Variants in CP observed in about 807,000 individuals in gnomAD.
The protein encoded by CP is caeruloplasmin.
In CP, 64 loss-of-function variants were observed where a neutral mutation model predicts 122.4. That is an observed-to-expected ratio of 0.52 (90% confidence interval 0.43 to 0.64). The LOEUF (loss-of-function observed/expected upper bound fraction) is 0.64. Among genes scored for constraint, CP ranks in the 30% least tolerant of loss-of-function variants. The pLI is 0.00. For missense variants in CP, 1,167 were observed against 1,284.4 expected (o/e 0.91, Z 1.40); for synonymous variants, 440 against 436.4 (o/e 1.01, Z -0.10).
intron 14 of CP, among the ~76,000 whole-genome samples, chr3:149,181,731 T>G (rs1354378252): frequency 4.6e-5 from 7 of 152,174 alleles, no homozygotes; most frequent in Non-Finnish European, 4.4e-5. Context: ...GTGTTCTAGC[T>G]GAGCGAGGAG....
chr3:149,172,317 A>AACAC (rs1559931139), downstream of CP: 115 of 640,806 alleles, frequency 1.8e-4, no homozygotes, highest in South Asian at 1.5e-3. Flanking sequence ...TATTTTATAT[A>AACAC]TCACACACAC....
intron 9 of CP, among the ~76,000 whole-genome samples, chr3:149,197,673 G>A (rs1267264609): frequency 1.3e-5 from 2 of 152,182 alleles, no homozygotes; most frequent in Admixed American, 6.5e-5. Flanking sequence ...CTTGGGAAAG[G>A]GGGGTGGTTT....
At chr3:149,199,622 C>T in intron 8 of CP, 90 bp downstream of exon 8, 2 of 1,502,030 alleles carry the variant, frequency 1.3e-6, no homozygotes, top group Non-Finnish European at 9.3e-7. Flanking sequence ...CTTGGGAGTT[C>T]CTGCCTTCAG....
intron 1 of CP, 55 bp downstream of exon 1, chr3:149,221,592 T>A (rs567824006): frequency 6.5e-7 from 1 of 1,534,484 alleles, no homozygotes; most frequent in African/African-American, 1.4e-5. Context: ...ATTGGCTCTA[T>A]CCTTTAAAAA....
In CP at chr3:149,202,090, G is replaced by A; in HGVS notation, c.1348+12C>T. ...AGAGTAAACCAGCCATATATATTCT[G>A]CAAGAACTCACCCAGGATGCCAAGA... is the stretch of plus-strand genomic sequence containing the variant. On this transcript the variant is annotated intron_variant, in intron 7 of 18. Coordinates refer to ENST00000264613, the MANE Select transcript of CP (RefSeq NM_000096.4). 6.2e-7 allele frequency: 1 copy of A among 1,613,930 alleles called. No individual in the cohort carries two copies. Among genetic ancestry groups the A allele is most frequent in the Non-Finnish European group, 8.5e-7 (1 of 1,179,872 alleles).
At chr3:149,180,482 C>A (rs1240057245) in intron 14 of CP, among the ~76,000 whole-genome samples, 6 of 152,182 alleles carry the variant, frequency 3.9e-5, no homozygotes, top group African/African-American at 1.4e-4. Context: ...TGGCCATGCC[C>A]ACTCACCAAT....
chr3:149,209,477 G>C (rs1727964326), intron 3 of CP, 93 bp from the exon 4 acceptor site: 1 of 1,317,516 alleles, frequency 7.6e-7, no homozygotes, highest in African/African-American at 1.5e-5. Flanking sequence ...AAAAATGTTA[G>C]TATTTATTTT....
chr3:149,184,474 C>T (rs1391923284), intron 12 of CP, among the ~76,000 whole-genome samples: 2 of 152,162 alleles, frequency 1.3e-5, no homozygotes, highest in Non-Finnish European at 2.9e-5. Flanking sequence ...CCACAGGTCA[C>T]CAGTTGTGCT....
At chr3:149,181,979 A>AT in intron 14 of CP, 26 bp downstream of exon 14, 2 of 515,796 alleles carry the variant, frequency 3.9e-6, no homozygotes, top group South Asian at 3.0e-5. Context: ...AAAATGCACC[A>AT]CCCCCACCCC....
Position 149,178,606 on chromosome 3 carries a change from G to A in CP, c.2687C>T (p.Pro896Leu), listed in dbSNP as rs1415343557. ...GTAAGGTCTTCGACAAACAATCAGG[G>A]GGCCAATTAATCCACTGTAGAGGTC... ...VKDLYSGLIG[P>L]LIVCRRPYLK... is the part of the protein sequence containing the mutation. Residue 896 changes from proline to leucine, a missense_variant, in exon 16 of 19, where the codon CCC becomes CTC. This residue lies in a region of CP where 525 missense variants were observed against 657.2 expected (regional missense o/e 0.80). Coordinates refer to ENST00000264613, the MANE Select transcript of CP (RefSeq NM_000096.4). 9 of 1,612,420 alleles carry A rather than the reference G, an allele frequency of 5.6e-6. No homozygotes were observed. In the Admixed American group the frequency reaches 6.7e-5, roughly 12 times the overall value.
chr3:149,167,836 T>G (rs376785970), downstream of CP: 1 of 1,021,380 alleles, frequency 9.8e-7, no homozygotes, highest in East Asian at 2.4e-5. Context: ...TATTCTCCTT[T>G]GAAATCTGAG....
chr3:149,207,281 C>A, intron 5 of CP, 82 bp downstream of exon 5: 1 of 1,555,126 alleles, frequency 6.4e-7, no homozygotes, highest in South Asian at 1.1e-5. Flanking sequence ...CAGATTATTT[C>A]AAAGATATTT....
At chr3:149,193,015 C>T (rs1237909413) in intron 9 of CP, among the ~76,000 whole-genome samples, 3 of 151,920 alleles carry the variant, frequency 2.0e-5, no homozygotes, top group African/African-American at 7.3e-5. Context: ...CGCATACACT[C>T]CAGAAAAGAA....
At position 149,209,388 on chromosome 3, in the gene CP, G is replaced by A; in HGVS notation, c.608-4C>T. 6.2e-7 allele frequency: 1 copy of A among 1,612,260 alleles called. No individual in the cohort carries two copies. The highest frequency in any genetic ancestry group is 1.1e-5 in the South Asian group (1 of 90,922). On this transcript the variant is annotated splice_region_variant and splice_polypyrimidine_tract_variant and intron_variant, in intron 3 of 18. Transcript: ENST00000264613. ...TCTTTTTCTTTATCTAGAGAATCTG[G>A]AGTTAAAGTTACTATTTTAGCAAGA...
At chr3:149,220,198 AT>A (rs999517976) in intron 1 of CP, among the ~76,000 whole-genome samples, 5 of 151,698 alleles carry the variant, frequency 3.3e-5, no homozygotes, top group Non-Finnish European at 7.4e-5. Flanking sequence ...AGAATTAAAG[AT>A]TTTTTTTTGA....
intron 1 of CP, among the ~76,000 whole-genome samples, chr3:149,217,129 G>A (rs2108312666): frequency 6.6e-6 from 1 of 152,112 alleles, no homozygotes; most frequent in South Asian, 2.1e-4. Flanking sequence ...TCAAACTCCT[G>A]ACCTTGTGAT....
At chr3:149,184,028 C>CTTTTTTTTTTTTTTTTTTTTT (rs869206210) in intron 12 of CP, among the ~76,000 whole-genome samples, 2 of 63,620 alleles carry the variant, frequency 3.1e-5, no homozygotes, top group Non-Finnish European at 5.7e-5. Flanking sequence ...TCACTTACTT[C>CTTTTTTTTTTTTTTTTTTTTT]TTTTTTTTTT....
In CP at chr3:149,176,400, A is replaced by G; in HGVS notation, c.3031T>C (p.Tyr1011His). The change falls in exon 18 of 19, where the codon TAT becomes CAT. Residue 1011 changes from tyrosine (Y) to histidine (H), a missense_variant. Tyr to His is a moderately conservative substitution (Grantham distance 83). Transcript: ENST00000264613. ...HSFQYKHRGV[Y>H]SSDVFDIFPG... is the part of the protein sequence containing the mutation. ...AAAATGTCAAAGACATCAGAACTAT[A>G]AACTCCCCTGTGCTTAATTAGAAAA... 6.2e-7 allele frequency: 1 copy of G among 1,610,280 alleles called. No individual in the cohort carries two copies. Among genetic ancestry groups the G allele is most frequent in the Non-Finnish European group, 8.5e-7 (1 of 1,176,526 alleles).
intron 9 of CP, among the ~76,000 whole-genome samples, chr3:149,196,428 A>C (rs1726899536): frequency 6.6e-6 from 1 of 152,204 alleles, no homozygotes; most frequent in Admixed American, 6.5e-5. Flanking sequence ...AATAGCAACA[A>C]GCAACTCTAG....
Sources: gnomAD v4.1 joint callset for allele counts (sites outside exome capture counted in the v4.1 genomes callset) on GRCh38, gnomAD v4.1.1 for gene constraint, gnomAD v4.1.1 regional missense constraint, MANE v1.5 for transcripts, NCBI Gene and HGNC (gene_info 2026-07-23, HGNC 2026-07-21) for gene names.